TMEM132D: variants seen among roughly 807,000 people sequenced by gnomAD.
TMEM132D encodes the protein transmembrane protein 132D.
A neutral mutation model predicts 62.3 loss-of-function variants in TMEM132D; 21 were observed. The observed-to-expected ratio is 0.34, with a 90% CI of 0.24 to 0.49. The LOEUF is 0.49. Ranked by LOEUF, TMEM132D falls within the 20% of genes least tolerant of loss-of-function variation. The pLI, the probability that TMEM132D is intolerant of heterozygous loss-of-function variation, is 0.99. For synonymous variants in TMEM132D, 621 were observed against 575.6 expected, an observed-to-expected ratio of 1.08 and a Z score of -1.13; for missense variants, 1,346 against 1,402.8, an observed-to-expected ratio of 0.96 and a Z score of 0.65.
At chr12:129,529,188 G>A (rs1876144653) in intron 3 of TMEM132D, among the ~76,000 whole-genome samples, 1 of 152,146 alleles carries the variant, frequency 6.6e-6, no homozygotes, top group Admixed American at 6.5e-5. Flanking sequence ...CAGAAAACTG[G>A]CATCAGAATG....
chr12:129,437,213 C>T (rs1255513411), intron 3 of TMEM132D, among the ~76,000 whole-genome samples: 1 of 152,094 alleles, frequency 6.6e-6, no homozygotes, highest in Non-Finnish European at 1.5e-5. Context: ...GAGATGCCCT[C>T]TTTCTGCCAG....
chr12:129,644,414 ATTGT>A (rs1879718053), intron 2 of TMEM132D, among the ~76,000 whole-genome samples: 1 of 152,082 alleles, frequency 6.6e-6, no homozygotes. Context: ...TGTGGCCATA[ATTGT>A]TTGTCCTTGC....
intron 1 of TMEM132D, among the ~76,000 whole-genome samples, chr12:129,894,780 A>G (rs1875049631): frequency 6.6e-6 from 1 of 151,710 alleles, no homozygotes; most frequent in Admixed American, 6.6e-5. Flanking sequence ...CATGACTGTC[A>G]ACTCTTATTA....
chr12:129,541,826 A>C (rs1259795876), intron 2 of TMEM132D, among the ~76,000 whole-genome samples: 1 of 152,170 alleles, frequency 6.6e-6, no homozygotes, highest in African/African-American at 2.4e-5. Context: ...TTTAGCTATG[A>C]TGATGATTAT....
intron 8 of TMEM132D, among the ~76,000 whole-genome samples, chr12:129,075,906 G>A (rs1874235468): frequency 6.6e-6 from 1 of 152,164 alleles, no homozygotes; most frequent in East Asian, 1.9e-4. Context: ...AGCAGTGGCA[G>A]ATCCATTGCT....
chr12:129,269,065 T>C (rs901501930), intron 4 of TMEM132D, among the ~76,000 whole-genome samples: 6 of 151,300 alleles, frequency 4.0e-5, no homozygotes, highest in African/African-American at 1.2e-4. Flanking sequence ...ATATACCTAA[T>C]GCTAAATGAC....
At chr12:129,678,241 T>C (rs535614751) in intron 2 of TMEM132D, among the ~76,000 whole-genome samples, 45 of 152,224 alleles carry the variant, frequency 3.0e-4, no homozygotes, top group African/African-American at 8.7e-4. Context: ...TCTGGAAGAG[T>C]TGTACCATTT....
intron 4 of TMEM132D, among the ~76,000 whole-genome samples, chr12:129,243,903 G>A (rs982245492): frequency 6.6e-6 from 1 of 152,206 alleles, no homozygotes; most frequent in Non-Finnish European, 1.5e-5. Context: ...AACTGTTTAA[G>A]TGTTCTCATT....
At chr12:129,163,005 T>A (rs1877443830) in intron 5 of TMEM132D, among the ~76,000 whole-genome samples, 1 of 152,160 alleles carries the variant, frequency 6.6e-6, no homozygotes, top group African/African-American at 2.4e-5. Context: ...ACTGTGTGGC[T>A]GCAAGGTGCA....
intron 2 of TMEM132D, among the ~76,000 whole-genome samples, chr12:129,547,836 T>C (rs1266406018): frequency 6.6e-6 from 1 of 152,170 alleles, no homozygotes; most frequent in African/African-American, 2.4e-5. Flanking sequence ...ATGTTACAGA[T>C]TAAGTTCTCT....
intron 1 of TMEM132D, among the ~76,000 whole-genome samples, chr12:129,819,745 T>G (rs1872491673): frequency 6.6e-6 from 1 of 152,176 alleles, no homozygotes; most frequent in Non-Finnish European, 1.5e-5. Flanking sequence ...CGTGTTATTA[T>G]TCCTAGTACC....
At chr12:129,355,871 A>C (rs1870025719) in intron 3 of TMEM132D, among the ~76,000 whole-genome samples, 1 of 152,164 alleles carries the variant, frequency 6.6e-6, no homozygotes, top group African/African-American at 2.4e-5. Flanking sequence ...AGGGGCCCTC[A>C]CGCAGAGTCC....
chr12:129,664,155 A>G (rs1411778222), intron 2 of TMEM132D, among the ~76,000 whole-genome samples: 2 of 152,188 alleles, frequency 1.3e-5, no homozygotes, highest in Non-Finnish European at 2.9e-5. Context: ...AATTAGATGT[A>G]TCAACGACTC....
At chr12:129,448,136 A>G (rs1233454861) in intron 3 of TMEM132D, among the ~76,000 whole-genome samples, 1 of 152,138 alleles carries the variant, frequency 6.6e-6, no homozygotes, top group Non-Finnish European at 1.5e-5. Flanking sequence ...CTCACTCATT[A>G]ATCTTTTTAT....
At chr12:129,381,140 A>G (rs1870940531) in intron 3 of TMEM132D, among the ~76,000 whole-genome samples, 1 of 152,244 alleles carries the variant, frequency 6.6e-6, no homozygotes, top group African/African-American at 2.4e-5. Context: ...AGGGATAAAA[A>G]TCCAGGTAAT....
At chr12:129,450,021 T>C (rs1238267955) in intron 3 of TMEM132D, among the ~76,000 whole-genome samples, 1 of 152,246 alleles carries the variant, frequency 6.6e-6, no homozygotes, top group East Asian at 1.9e-4. Flanking sequence ...ATGTCTTCTT[T>C]TGAAAAGTGT....
At chr12:129,316,955 A>G (rs188024569) in intron 4 of TMEM132D, among the ~76,000 whole-genome samples, 1 of 152,202 alleles carries the variant, frequency 6.6e-6, no homozygotes, top group East Asian at 1.9e-4. Context: ...TGTCTGTTAT[A>G]AGAGTAGCTA....
chr12:129,586,451 G>A (rs1241051683), intron 2 of TMEM132D, among the ~76,000 whole-genome samples: 2 of 152,188 alleles, frequency 1.3e-5, no homozygotes, highest in Non-Finnish European at 2.9e-5. Flanking sequence ...CAGACTGGGT[G>A]GCTTACAAAC....
chr12:129,074,567 T>A lies in TMEM132D; in HGVS notation c.2608A>T (p.Ser870Cys), dbSNP rs756976748. 1.2e-6 allele frequency: 2 copies of A among 1,614,066 alleles called. No homozygotes were observed. Among genetic ancestry groups the A allele is most frequent in the Admixed American group, 3.3e-5 (2 of 60,016 alleles). ...SILQKKKGQE[S>C]LLDDNSHLQT... ...AAGTGGCTGTTGTCATCTAAAAGGC[T>A]TTCCTGGCCTTTCTTCTTCTGCAGG... Residue 870 changes from serine to cysteine, a missense_variant, in exon 9 of 9, where the codon AGC becomes TGC. Ser to Cys is a moderately radical substitution (Grantham distance 112). Coordinates refer to ENST00000422113, the MANE Select transcript of TMEM132D (RefSeq NM_133448.3).
Sources: gnomAD v4.1 joint callset for allele counts (sites outside exome capture counted in the v4.1 genomes callset) on GRCh38, gnomAD v4.1.1 for gene constraint, MANE v1.5 for transcripts, NCBI Gene and HGNC (gene_info 2026-07-23, HGNC 2026-07-21) for gene names.